KCNH7: variants seen among roughly 807,000 people sequenced by gnomAD.
The protein encoded by KCNH7 is voltage-gated inwardly rectifying potassium channel KCNH7.
Under a neutral mutation model 120.8 loss-of-function variants are expected in KCNH7, and 49 were observed. The ratio of observed to expected loss-of-function variants is 0.41; its 90% CI spans 0.32 to 0.51. The LOEUF (loss-of-function observed/expected upper bound fraction) is 0.51. KCNH7 is among the 20% of genes least tolerant of loss of function. The probability of loss-of-function intolerance (pLI) is 0.38; values close to 1 mark genes in which losing one functional copy is unlikely to be tolerated. For missense variants in KCNH7, 1,097 were observed against 1,446.6 expected (o/e 0.76, Z 3.92); for synonymous variants, 547 against 516.1 (o/e 1.06, Z -0.81).
intron 2 of KCNH7, among the ~76,000 whole-genome samples, chr2:162,620,010 AC>A (rs1320311194): frequency 6.6e-6 from 1 of 151,746 alleles, no homozygotes; most frequent in Non-Finnish European, 1.5e-5. Flanking sequence ...GGAATAAGAG[AC>A]CTGTGCTGTT....
intron 2 of KCNH7, among the ~76,000 whole-genome samples, chr2:162,702,943 T>C (rs899008381): frequency 6.6e-6 from 1 of 152,132 alleles, no homozygotes; most frequent in African/African-American, 2.4e-5. Context: ...TTTGGAAATA[T>C]AGGGCTCCCC....
At chr2:162,379,678 T>C (rs1686340562) in intron 14 of KCNH7, among the ~76,000 whole-genome samples, 175 bp downstream of exon 14, 1 of 152,182 alleles carries the variant, frequency 6.6e-6, no homozygotes, top group South Asian at 2.1e-4. Flanking sequence ...GTGTTCTAAA[T>C]AAATGCTCCT....
chr2:162,593,165 G>T lies in KCNH7; in HGVS notation c.308-56085C>A, dbSNP rs116712037. ...TATTAATAACATTCTTAGTTCGAGG[G>T]TATATAAAAAACAAGGGGCAGGCCT... On this transcript the variant is annotated intron_variant, in intron 2 of 15. Transcript: ENST00000332142. 4.6e-3 allele frequency among the ~76,000 whole-genome samples: 693 copies of T among 152,124 alleles called. 6 individuals carry two copies. The highest frequency in any genetic ancestry group is 0.016 in the African/African-American group (663 of 41,516).
At chr2:162,589,566 T>C (rs1169153633) in intron 2 of KCNH7, among the ~76,000 whole-genome samples, 1 of 152,106 alleles carries the variant, frequency 6.6e-6, no homozygotes, top group Non-Finnish European at 1.5e-5. Flanking sequence ...AACTCTCACA[T>C]GGATAAATAT....
At chr2:162,496,215 T>TG (rs1281509250) in intron 6 of KCNH7, among the ~76,000 whole-genome samples, 1 of 152,100 alleles carries the variant, frequency 6.6e-6, no homozygotes, top group Non-Finnish European at 1.5e-5. Flanking sequence ...CAACAGCCGT[T>TG]GGGGGTCTCC....
chr2:162,698,659 T>A (rs902029051), intron 2 of KCNH7, among the ~76,000 whole-genome samples: 2 of 152,148 alleles, frequency 1.3e-5, no homozygotes, highest in Non-Finnish European at 1.5e-5. Context: ...AGGTTCTACA[T>A]TTACTTAGAG....
At chr2:162,449,032 G>C (rs929024728) in intron 6 of KCNH7, among the ~76,000 whole-genome samples, 37 of 151,972 alleles carry the variant, frequency 2.4e-4, no homozygotes, top group Non-Finnish European at 1.5e-5. Context: ...GTTGGGAAGG[G>C]AAGGATATTA....
intron 2 of KCNH7, among the ~76,000 whole-genome samples, chr2:162,602,044 G>C (rs918169533): frequency 2.6e-5 from 4 of 152,178 alleles, no homozygotes; most frequent in East Asian, 1.9e-4. Context: ...TTGCAGAGGA[G>C]GGGGGTGGAG....
chr2:162,489,222 G>T (rs185524022), intron 6 of KCNH7, among the ~76,000 whole-genome samples: 9 of 152,212 alleles, frequency 5.9e-5, no homozygotes, highest in Admixed American at 5.2e-4. Context: ...GCTTGAAGTA[G>T]TCAATAGCTT....
rs139792326 is a variant in KCNH7, at chr2:162,637,216, T to C, written c.308-100136A>G. On this transcript the variant is annotated intron_variant, in intron 2 of 15. Coordinates refer to ENST00000332142, the MANE Select transcript of KCNH7 (RefSeq NM_033272.4). ...TGTTTTCATGTGGAGAATTTCCACA[T>C]TTCTAGTCTCTTTCCATATCATTTA... Among the ~76,000 whole-genome samples the C allele has an allele frequency of 2.3e-3, 345 of 152,196 alleles. 1 individual carries two copies. Among genetic ancestry groups the C allele is most frequent in the African/African-American group, 8.0e-3 (331 of 41,532 alleles).
intron 8 of KCNH7, among the ~76,000 whole-genome samples, chr2:162,429,570 G>A (rs1376273404): frequency 6.6e-6 from 1 of 151,348 alleles, no homozygotes; most frequent in African/African-American, 2.4e-5. Context: ...ATTAAACACA[G>A]ATTCCTATGT....
chr2:162,532,553 T>C (rs1246828867), intron 3 of KCNH7, among the ~76,000 whole-genome samples: 1 of 151,964 alleles, frequency 6.6e-6, no homozygotes, highest in Non-Finnish European at 1.5e-5. Flanking sequence ...AAATACTATG[T>C]CATATCTACC....
chr2:162,616,403 G>A (rs150672618), intron 2 of KCNH7, among the ~76,000 whole-genome samples: 3 of 152,258 alleles, frequency 2.0e-5, no homozygotes, highest in East Asian at 3.9e-4. Context: ...CGTTGGGGGT[G>A]GTGTGGAGAA....
intron 6 of KCNH7, among the ~76,000 whole-genome samples, chr2:162,491,145 A>G (rs935643573): frequency 6.6e-6 from 1 of 152,178 alleles, no homozygotes; most frequent in Non-Finnish European, 1.5e-5. Context: ...CCATCCTGCC[A>G]TGAACCTGTG....
intron 3 of KCNH7, among the ~76,000 whole-genome samples, chr2:162,525,514 G>A (rs937197663): frequency 1.1e-4 from 16 of 151,894 alleles, no homozygotes; most frequent in Non-Finnish European, 1.5e-5. Flanking sequence ...AGAGGGGATT[G>A]GGAATGAAAG....
intron 2 of KCNH7, among the ~76,000 whole-genome samples, chr2:162,542,699 C>T (rs535296623): frequency 1.3e-4 from 19 of 151,818 alleles, no homozygotes; most frequent in Admixed American, 5.9e-4. Flanking sequence ...TGAATAGTGC[C>T]GCAATAAACA....
chr2:162,786,446 G>A (rs1683708943), intron 2 of KCNH7, among the ~76,000 whole-genome samples: 1 of 152,104 alleles, frequency 6.6e-6, no homozygotes, highest in Admixed American at 6.5e-5. Flanking sequence ...CAATAAGCAA[G>A]TCACCAAGCC....
At chr2:162,663,315 A>G (rs1389825869) in intron 2 of KCNH7, among the ~76,000 whole-genome samples, 1 of 152,250 alleles carries the variant, frequency 6.6e-6, no homozygotes, top group Non-Finnish European at 1.5e-5. Flanking sequence ...GTTTGAGAAA[A>G]AAATTTTACA....
chr2:162,728,100 T>C (rs1037959000), intron 2 of KCNH7, among the ~76,000 whole-genome samples: 3 of 152,100 alleles, frequency 2.0e-5, no homozygotes, highest in African/African-American at 7.2e-5. Flanking sequence ...TCCTTTTTTT[T>C]CCATTTTCAT....
Sources: allele counts gnomAD v4.1 joint callset (sites outside exome capture counted in the v4.1 genomes callset), GRCh38; gene constraint gnomAD v4.1.1; transcripts MANE v1.5; gene names NCBI Gene and HGNC (gene_info 2026-07-23, HGNC 2026-07-21).